The following NWD2 variants were observed in gnomAD, a reference collection of about 807,000 sequenced individuals.
NWD2 encodes NACHT and WD repeat domain-containing protein 2.
Under a neutral mutation model 132.7 loss-of-function variants are expected in NWD2, and 37 were observed. That is an observed-to-expected ratio of 0.28 (90% confidence interval 0.21 to 0.37). The LOEUF (loss-of-function observed/expected upper bound fraction) is 0.37. Ranked by LOEUF, NWD2 falls within the 10% of genes least tolerant of loss-of-function variation. NWD2 has a pLI of 1.00. For synonymous variants in NWD2, 705 were observed against 803.0 expected (o/e 0.88, Z 2.06); for missense variants, 1,592 against 2,122.4 (o/e 0.75, Z 4.91).
At chr4:37,359,149 T>C (rs1343285243) in intron 3 of NWD2, among the ~76,000 whole-genome samples, 1 of 152,212 alleles carries the variant, frequency 6.6e-6, no homozygotes, top group Non-Finnish European at 1.5e-5. Context: ...AATAATTTGC[T>C]GGTAGGAGAA....
At chr4:37,281,552 G>A (rs1398297768) in intron 1 of NWD2, among the ~76,000 whole-genome samples, 4 of 151,986 alleles carry the variant, frequency 2.6e-5, no homozygotes, top group Admixed American at 6.6e-5. Context: ...CCATCTCTCC[G>A]CTTAAGTACT....
intron 2 of NWD2, among the ~76,000 whole-genome samples, chr4:37,328,282 C>T (rs924166141): frequency 1.4e-4 from 21 of 151,994 alleles, no homozygotes; most frequent in African/African-American, 4.4e-4. Context: ...TTCTGGTATA[C>T]GTGTGCAGAA....
intron 3 of NWD2, among the ~76,000 whole-genome samples, chr4:37,375,088 G>A (rs1210061267): frequency 2.0e-5 from 3 of 152,186 alleles, no homozygotes; most frequent in Non-Finnish European, 4.4e-5. Context: ...GTAATCTTCT[G>A]TGCTTTCAAA....
At chr4:37,311,083 A>G (rs964781354) in intron 1 of NWD2, among the ~76,000 whole-genome samples, 18 of 151,896 alleles carry the variant, frequency 1.2e-4, no homozygotes, top group Admixed American at 1.0e-3. Context: ...GAATAGTGCC[A>G]CAATAAACAT....
intron 1 of NWD2, among the ~76,000 whole-genome samples, chr4:37,292,448 A>G (rs528898813): frequency 3.2e-4 from 48 of 152,142 alleles, no homozygotes; most frequent in African/African-American, 1.1e-3. Context: ...ATCAGATACC[A>G]AATCTTCAGT....
chr4:37,402,498 A>G (rs1560413392), intron 3 of NWD2, among the ~76,000 whole-genome samples: 1 of 152,232 alleles, frequency 6.6e-6, no homozygotes, highest in East Asian at 1.9e-4. Flanking sequence ...TCACAGAGGT[A>G]TTATAGGGAA....
At chr4:37,302,540 G>A (rs77301296) in intron 1 of NWD2, among the ~76,000 whole-genome samples, 3,046 of 152,010 alleles carry the variant, frequency 0.02, 96 homozygotes, top group African/African-American at 0.068. Context: ...CCTCCACACC[G>A]TTTTCCATAA....
At chr4:37,380,237 C>G (rs772335894) in intron 3 of NWD2, among the ~76,000 whole-genome samples, 1 of 152,176 alleles carries the variant, frequency 6.6e-6, no homozygotes, top group Non-Finnish European at 1.5e-5. Context: ...ATCTGTTTGA[C>G]GATAAAGTCC....
intron 2 of NWD2, among the ~76,000 whole-genome samples, chr4:37,327,248 C>T (rs1423153080): frequency 2.6e-5 from 4 of 152,068 alleles, no homozygotes; most frequent in Non-Finnish European, 5.9e-5. Context: ...TCATTTTTGT[C>T]AACAGGGGAA....
intron 2 of NWD2, among the ~76,000 whole-genome samples, chr4:37,351,368 G>C (rs1182924522): frequency 6.6e-6 from 1 of 152,166 alleles, no homozygotes; most frequent in Non-Finnish European, 1.5e-5. Context: ...CTTGTTATTG[G>C]TCTATTGAGG....
In NWD2 at chr4:37,433,875, G is replaced by T; in HGVS notation, c.562-1G>T. 6.5e-7 allele frequency: 1 copy of T among 1,528,448 alleles called. No homozygotes were observed. The highest frequency in any genetic ancestry group is 8.8e-7 in the Non-Finnish European group (1 of 1,137,036). The allele number at this position is 1,528,448 out of a possible 1,614,324, so 94.7% of individuals were successfully genotyped here. A position where few individuals can be genotyped will look rare whatever the true frequency, so the allele number is the denominator to read the frequency against. ...AATTTCTCCCTTTTACATTTCTATA[G>T]ATGCAGCCTTCTACCAATGCTGAAA... is the stretch of plus-strand genomic sequence containing the variant. On this transcript the variant is annotated splice_acceptor_variant, in intron 4 of 6. Coordinates refer to ENST00000309447, the MANE Select transcript of NWD2 (RefSeq NM_001144990.2). LOFTEE classifies it high-confidence loss of function.
Position 37,291,895 on chromosome 4 carries a change from C to G in NWD2, c.152-34041C>G, listed in dbSNP as rs565605796. The stretch of plus-strand genomic sequence containing the variant: ...TTATATACCCTTGGTATGGGCCATG[C>G]CTTAAACTCTTCTCTGCAATTTGTC... On this transcript the variant is annotated intron_variant, in intron 1 of 6. Coordinates refer to ENST00000309447, the MANE Select transcript of NWD2 (RefSeq NM_001144990.2). 3.3e-5 allele frequency among the ~76,000 whole-genome samples: 5 copies of G among 152,196 alleles called. No homozygotes were observed. The South Asian group carries it at 1.0e-3, about 32-fold the overall frequency.
At chr4:37,256,541 AAATGG>A (rs1418351342) in intron 1 of NWD2, among the ~76,000 whole-genome samples, 2 of 152,242 alleles carry the variant, frequency 1.3e-5, no homozygotes, top group Non-Finnish European at 2.9e-5. Flanking sequence ...ACTCTAATTA[AAATGG>A]AATTCAGAAA....
At chr4:37,402,198 C>T (rs1296872497) in intron 3 of NWD2, among the ~76,000 whole-genome samples, 6 of 152,162 alleles carry the variant, frequency 3.9e-5, no homozygotes, top group Non-Finnish European at 7.3e-5. Context: ...GTTGCTGTCA[C>T]GTCCTTGGAC....
chr4:37,331,760 G>A (rs936594), intron 2 of NWD2, among the ~76,000 whole-genome samples: 108,217 of 152,138 alleles, frequency 0.71, 38,704 homozygotes, highest in East Asian at 0.86. Context: ...TTAACTTCAT[G>A]TCACTGGAAA....
chr4:37,254,197 TA>T (rs1225999922), intron 1 of NWD2, among the ~76,000 whole-genome samples: 4 of 152,170 alleles, frequency 2.6e-5, no homozygotes, highest in Non-Finnish European at 5.9e-5. Flanking sequence ...ATCCTGAACT[TA>T]AAAGTTTAAA....
chr4:37,326,816 A>C (rs1719182136), intron 2 of NWD2, among the ~76,000 whole-genome samples: 1 of 152,236 alleles, frequency 6.6e-6, no homozygotes, highest in Non-Finnish European at 1.5e-5. Flanking sequence ...GTGGTGCAGA[A>C]GTGCAAAATG....
chr4:37,420,895 T>A (rs1711789904), intron 3 of NWD2, among the ~76,000 whole-genome samples: 1 of 152,188 alleles, frequency 6.6e-6, no homozygotes, highest in Admixed American at 6.5e-5. Context: ...GAATGAATCC[T>A]TGATAACTGC....
chr4:37,338,534 C>G (rs1254289764), intron 2 of NWD2, among the ~76,000 whole-genome samples: 1 of 152,224 alleles, frequency 6.6e-6, no homozygotes, highest in East Asian at 1.9e-4. Context: ...TTCACTTTAT[C>G]CTGCTAACCA....
Sources: gnomAD v4.1 joint callset for allele counts (sites outside exome capture counted in the v4.1 genomes callset) on GRCh38, gnomAD v4.1.1 for gene constraint, MANE v1.5 for transcripts, NCBI Gene and HGNC (gene_info 2026-07-23, HGNC 2026-07-21) for gene names.